PTPRO: variants seen among roughly 807,000 people sequenced by gnomAD.
The protein encoded by PTPRO is receptor-type tyrosine-protein phosphatase O.
PTPRO carries 62 observed loss-of-function variants against 145.2 expected under a neutral mutation model. The observed-to-expected ratio is 0.43, with a 90% confidence interval of 0.35 to 0.53. PTPRO has a LOEUF of 0.53. Ranked by LOEUF, PTPRO falls within the 20% of genes least tolerant of loss-of-function variation. The probability of loss-of-function intolerance (pLI) is 0.01; values close to 1 mark genes in which losing one functional copy is unlikely to be tolerated. For missense variants in PTPRO, 1,345 were observed against 1,482.7 expected (o/e 0.91, Z 1.53); for synonymous variants, 565 against 514.7 (o/e 1.10, Z -1.32).
chr12:15,515,176 C>G (rs1942550805), intron 7 of PTPRO, among the ~76,000 whole-genome samples: 1 of 152,152 alleles, frequency 6.6e-6, no homozygotes. Context: ...TTTAGAATGT[C>G]AAACTATCCT....
chr12:15,453,197 G>T (rs1347394688), intron 1 of PTPRO, among the ~76,000 whole-genome samples: 1 of 151,906 alleles, frequency 6.6e-6, no homozygotes, highest in African/African-American at 2.4e-5. Flanking sequence ...CACCACGTTG[G>T]CCAGGCTGGT....
At chr12:15,525,427 G>T (rs973295769) in intron 11 of PTPRO, among the ~76,000 whole-genome samples, 3 of 152,182 alleles carry the variant, frequency 2.0e-5, no homozygotes, top group Non-Finnish European at 4.4e-5. Flanking sequence ...AAACAAAATA[G>T]AAGTTTATAC....
At chr12:15,552,627 G>A (rs1314859677) in intron 15 of PTPRO, among the ~76,000 whole-genome samples, 1 of 152,022 alleles carries the variant, frequency 6.6e-6, no homozygotes, top group Non-Finnish European at 1.5e-5. Flanking sequence ...GCATAAAGGG[G>A]ATTAAAAACA....
intron 1 of PTPRO, among the ~76,000 whole-genome samples, chr12:15,398,696 T>C (rs1337845222): frequency 6.6e-6 from 1 of 152,192 alleles, no homozygotes; most frequent in Non-Finnish European, 1.5e-5. Flanking sequence ...AACTCTTTTT[T>C]TTTTTATTTT....
At chr12:15,466,492 T>A (rs1463088105) in intron 1 of PTPRO, among the ~76,000 whole-genome samples, 1 of 152,238 alleles carries the variant, frequency 6.6e-6, no homozygotes, top group Non-Finnish European at 1.5e-5. Flanking sequence ...GTTGGATTTC[T>A]TATGTTATTC....
At chr12:15,470,539 A>G (rs920797425) in intron 1 of PTPRO, among the ~76,000 whole-genome samples, 6 of 152,148 alleles carry the variant, frequency 3.9e-5, no homozygotes, top group African/African-American at 1.4e-4. Flanking sequence ...GGCAGGTTGA[A>G]TTCTTTCCTC....
intron 1 of PTPRO, among the ~76,000 whole-genome samples, chr12:15,436,634 G>A (rs1219453604): frequency 6.6e-6 from 1 of 152,222 alleles, no homozygotes; most frequent in Non-Finnish European, 1.5e-5. Flanking sequence ...AAGACACCAG[G>A]AAAAGTGGCA....
intron 23 of PTPRO, among the ~76,000 whole-genome samples, chr12:15,583,212 T>TTCATGCCTGTACAGGGAGTACA (rs1422088158): frequency 1.3e-5 from 2 of 152,210 alleles, no homozygotes; most frequent in Non-Finnish European, 2.9e-5. Flanking sequence ...CTGAGTATGG[T>TTCATGCCTGTACAGGGAGTACA]GGTTCATGCC....
chr12:15,352,092 T>G (rs887836427), intron 1 of PTPRO, among the ~76,000 whole-genome samples: 1 of 152,226 alleles, frequency 6.6e-6, no homozygotes, highest in African/African-American at 2.4e-5. Flanking sequence ...CCTCATTATC[T>G]TGACTCTTGG....
Position 15,549,189 on chromosome 12 carries a change from C to T in PTPRO, c.2400C>T (p.Ser800=), listed in dbSNP as rs201601507. ...GTGTCACCAGCTTTAGCCATGACAG[C>T]CCCAGTGTCCCTACGTTCATAGCCG... ...NCSVTSFSHD[S]PSVPTFIAVS... Residue 800 remains serine (S), a synonymous_variant, in exon 14 of 27, where the codon AGC becomes AGT. Coordinates refer to ENST00000281171, the MANE Select transcript of PTPRO (RefSeq NM_030667.3). The T allele has an allele frequency of 6.2e-7, 1 of 1,610,190 alleles. No homozygotes were observed. Among genetic ancestry groups the T allele is most frequent in the Non-Finnish European group, 8.5e-7 (1 of 1,179,198 alleles).
intron 2 of PTPRO, among the ~76,000 whole-genome samples, chr12:15,489,084 A>T (rs191304387): frequency 7.2e-5 from 11 of 152,306 alleles, no homozygotes; most frequent in African/African-American, 2.6e-4. Flanking sequence ...TATTTTAGTT[A>T]TCAGGTACAT....
At chr12:15,463,363 A>G (rs1393270730) in intron 1 of PTPRO, among the ~76,000 whole-genome samples, 1 of 152,232 alleles carries the variant, frequency 6.6e-6, no homozygotes, top group African/African-American at 2.4e-5. Flanking sequence ...GGAGAAGATT[A>G]AAGCTCTATT....
intron 6 of PTPRO, 111 bp downstream of exon 6, chr12:15,504,180 A>G (rs987477922): frequency 3.3e-6 from 4 of 1,212,744 alleles, no homozygotes; most frequent in Non-Finnish European, 4.7e-6. Context: ...GATGATGAGA[A>G]GTCTTCAAGA....
chr12:15,519,636 T>G (rs1027487522), intron 9 of PTPRO, among the ~76,000 whole-genome samples: 1 of 152,208 alleles, frequency 6.6e-6, no homozygotes, highest in Non-Finnish European at 1.5e-5. Context: ...AATGATGACT[T>G]TTCATGGCAT....
At chr12:15,500,870 C>T (rs1171695396) in intron 4 of PTPRO, among the ~76,000 whole-genome samples, 2 of 152,018 alleles carry the variant, frequency 1.3e-5, no homozygotes, top group Admixed American at 6.6e-5. Context: ...TGCAGTGAGC[C>T]GAGACCACGT....
At chr12:15,505,093 C>T (rs1942295372) in intron 6 of PTPRO, among the ~76,000 whole-genome samples, 1 of 152,166 alleles carries the variant, frequency 6.6e-6, no homozygotes, top group Admixed American at 6.6e-5. Context: ...GTATTTCATT[C>T]TTCCCATAAG....
chr12:15,407,102 A>G (rs541918891), intron 1 of PTPRO, among the ~76,000 whole-genome samples: 2 of 152,196 alleles, frequency 1.3e-5, no homozygotes, highest in African/African-American at 4.8e-5. Flanking sequence ...GATCACAGAA[A>G]TGAGAATGCT....
chr12:15,442,008 C>T (rs1307936163), intron 1 of PTPRO, among the ~76,000 whole-genome samples: 3 of 152,092 alleles, frequency 2.0e-5, no homozygotes, highest in African/African-American at 7.2e-5. Context: ...ACAAAGCCAG[C>T]ATCAGGCCAA....
intron 10 of PTPRO, among the ~76,000 whole-genome samples, chr12:15,521,131 C>T (rs1301116781): frequency 3.3e-5 from 5 of 151,880 alleles, no homozygotes; most frequent in Non-Finnish European, 7.4e-5. Context: ...TTAGAGTTGT[C>T]CTGAGAAAAC....
Sources: gnomAD v4.1 joint callset for allele counts (sites outside exome capture counted in the v4.1 genomes callset) on GRCh38, gnomAD v4.1.1 for gene constraint, MANE v1.5 for transcripts, NCBI Gene and HGNC (gene_info 2026-07-23, HGNC 2026-07-21) for gene names.